Variants in ACTR3C observed in about 807,000 individuals in gnomAD.
ACTR3C encodes the protein actin-related protein 3C.
ACTR3C carries 18 observed loss-of-function variants against 26.3 expected under a neutral mutation model. The observed-to-expected ratio is 0.68, with a 90% CI of 0.47 to 1.01. ACTR3C has a LOEUF of 1.01. ACTR3C is among the 50% of genes least tolerant of loss of function. The pLI is 0.00. For missense variants in ACTR3C, 184 were observed against 250.7 expected, an observed-to-expected ratio of 0.73 and a Z score of 1.80; for synonymous variants, 55 against 94.5, an observed-to-expected ratio of 0.58 and a Z score of 2.42.
At chr7:150,036,905 G>A in the ACTR3C span, among the ~76,000 whole-genome samples, 3 of 116,826 alleles carry the variant, frequency 2.6e-5, no homozygotes, top group African/African-American at 6.4e-5. Context: ...GCCTCGCGGG[G>A]AGTGCCTCCC....
At chr7:150,037,854 C>A in the ACTR3C span, among the ~76,000 whole-genome samples, 2 of 100,708 alleles carry the variant, frequency 2.0e-5, no homozygotes, top group Non-Finnish European at 4.4e-5. Context: ...GGTGCCTCCG[C>A]CCCCAGCGAT....
the ACTR3C span, among the ~76,000 whole-genome samples, chr7:149,959,571 G>T: frequency 6.6e-6 from 1 of 152,108 alleles, no homozygotes; most frequent in Non-Finnish European, 1.5e-5. Context: ...ATTTTGACTG[G>T]GAAGAGGGCT....
chr7:150,307,729 G>A (rs1795914458), intron 1 of ACTR3C, among the ~76,000 whole-genome samples: 1 of 152,116 alleles, frequency 6.6e-6, no homozygotes, highest in Non-Finnish European at 1.5e-5. Context: ...TGGTTCGGGG[G>A]ACCTCCCTCC....
the ACTR3C span, among the ~76,000 whole-genome samples, chr7:150,165,489 G>T: frequency 6.6e-6 from 1 of 151,020 alleles, no homozygotes; most frequent in Non-Finnish European, 1.5e-5. Context: ...TTGGGGAGAA[G>T]TTCCACAGTT....
At chr7:150,284,142 T>C (rs937499457) in intron 6 of ACTR3C, among the ~76,000 whole-genome samples, 3 of 152,192 alleles carry the variant, frequency 2.0e-5, no homozygotes, top group African/African-American at 7.2e-5. Flanking sequence ...ACGGAAAGCA[T>C]GGAGGAGGGC....
the ACTR3C span, among the ~76,000 whole-genome samples, chr7:149,966,357 C>T: frequency 6.6e-6 from 1 of 152,214 alleles, no homozygotes; most frequent in South Asian, 2.1e-4. Context: ...TGTGCAAAGT[C>T]CCCTGAGCCC....
At chr7:150,171,688 CAA>C in the ACTR3C span, among the ~76,000 whole-genome samples, 1 of 150,010 alleles carries the variant, frequency 6.7e-6, no homozygotes, top group African/African-American at 2.5e-5. Flanking sequence ...TAAATAAAAC[CAA>C]AAGCTAGTTC....
At chr7:150,038,232 G>A in the ACTR3C span, among the ~76,000 whole-genome samples, 1 of 144,256 alleles carries the variant, frequency 6.9e-6, no homozygotes, top group Non-Finnish European at 1.5e-5. Flanking sequence ...TGCTGCCAAG[G>A]CCCTCAAATA....
chr7:149,994,199 C>G, the ACTR3C span, among the ~76,000 whole-genome samples: 1 of 152,160 alleles, frequency 6.6e-6, no homozygotes, highest in Non-Finnish European at 1.5e-5. Context: ...TTTTCACACT[C>G]AAGCCGAGGA....
the ACTR3C span, among the ~76,000 whole-genome samples, chr7:149,907,472 CTTCTCT>C: frequency 1.1e-5 from 1 of 91,806 alleles, no homozygotes; most frequent in Non-Finnish European, 2.4e-5. Flanking sequence ...TCTTGCCTCT[CTTCTCT>C]TCTCTCTCTC....
At chr7:150,069,700 C>T in the ACTR3C span, among the ~76,000 whole-genome samples, 1 of 152,072 alleles carries the variant, frequency 6.6e-6, no homozygotes, top group Non-Finnish European at 1.5e-5. Flanking sequence ...TGGATGCTTA[C>T]TAGGCATTCT....
chr7:150,037,417 A>T, the ACTR3C span, among the ~76,000 whole-genome samples: 1 of 26,726 alleles, frequency 3.7e-5, no homozygotes, highest in African/African-American at 9.6e-5. Context: ...GAGCCAGTGG[A>T]GGAACTAGGG....
the ACTR3C span, among the ~76,000 whole-genome samples, chr7:150,014,055 T>C: frequency 3.9e-5 from 6 of 152,294 alleles, no homozygotes; most frequent in South Asian, 1.0e-3. Context: ...GAGGGCTTCC[T>C]CATCCCTTAG....
chr7:150,043,736 T>C, the ACTR3C span, among the ~76,000 whole-genome samples: 6 of 152,356 alleles, frequency 3.9e-5, no homozygotes, highest in East Asian at 1.2e-3. Flanking sequence ...ATTTAGACTT[T>C]TTCTCATTTA....
At position 150,290,472 on chromosome 7, in the gene ACTR3C, G is replaced by A. The variant is rs1237217417; in HGVS notation, c.154-879C>T. ...ACCGTCAGAGTGGACAACGCCCACCGCTGGATCATCCGGTAAAGACACTCA... is the reference window on the plus strand; with the variant it reads ...ACCGTCAGAGTGGACAACGCCCACCACTGGATCATCCGGTAAAGACACTCA... On this transcript the variant is annotated intron_variant, in intron 3 of 7. Coordinates refer to ENST00000683684, the MANE Select transcript of ACTR3C (RefSeq NM_001164458.2). Among the ~76,000 whole-genome samples, 8 of 152,214 alleles carry A rather than the reference G, an allele frequency of 5.3e-5. No individual in the cohort carries two copies. The East Asian group carries it at 1.4e-3, about 26-fold the overall frequency.
chr7:150,200,738 A>G, the ACTR3C span, among the ~76,000 whole-genome samples: 16 of 152,256 alleles, frequency 1.1e-4, no homozygotes, highest in African/African-American at 3.6e-4. Flanking sequence ...GAACCTCGTG[A>G]TCTTAGGCAA....
the ACTR3C span, among the ~76,000 whole-genome samples, chr7:149,932,747 G>A: frequency 7.0e-6 from 1 of 142,220 alleles, no homozygotes; most frequent in African/African-American, 2.7e-5. Context: ...GGGACAGCAG[G>A]GCGAGACAGG....
the ACTR3C span, chr7:150,076,441 C>A: frequency 2.6e-5 from 4 of 152,142 alleles, no homozygotes; most frequent in Non-Finnish European, 5.9e-5. Flanking sequence ...TGGATTGATA[C>A]TATTTGTGGA....
the ACTR3C span, among the ~76,000 whole-genome samples, chr7:150,021,816 C>A: frequency 6.6e-6 from 1 of 151,914 alleles, no homozygotes; most frequent in African/African-American, 2.4e-5. Flanking sequence ...TTTCTTATGG[C>A]TGAGTAGTAT....
Sources: gnomAD v4.1 joint callset for allele counts (sites outside exome capture counted in the v4.1 genomes callset) on GRCh38, gnomAD v4.1.1 for gene constraint, MANE v1.5 for transcripts, NCBI Gene and HGNC (gene_info 2026-07-23, HGNC 2026-07-21) for gene names.